The following ERI2 variants were observed in gnomAD, a reference collection of about 807,000 sequenced individuals.
ERI2 encodes ERI1 exoribonuclease family member 2, also known as ERI1 exoribonuclease 2.
In ERI2, 35 loss-of-function variants were observed where a neutral mutation model predicts 46.8. The ratio of observed to expected loss-of-function variants is 0.75; its 90% confidence interval spans 0.57 to 0.99. The LOEUF (loss-of-function observed/expected upper bound fraction) is 0.99, where lower values mean the gene tolerates loss of function less well. Among genes scored for constraint, ERI2 ranks in the 50% least tolerant of loss-of-function variants. ERI2 has a pLI of 0.00. For missense variants in ERI2, 695 were observed against 796.2 expected (o/e 0.87, Z 1.53); for synonymous variants, 224 against 271.0 (o/e 0.83, Z 1.70).
intron 10 of ERI2, chr16:20,784,676 A>G (rs763855310): frequency 1.8e-4 from 30 of 170,348 alleles, no homozygotes; most frequent in Non-Finnish European, 2.6e-4. Context: ...TAAGAACAGA[A>G]TGACCTTCTT....
Position 20,797,309 on chromosome 16 carries a change from T to C in ERI2, c.*415A>G. ...TTAGTTGACTAATTCTTCTGATATG[T>C]TGATATACAAATCAGAACCAATGTT... On this transcript the variant is annotated 3_prime_UTR_variant, in exon 9 of 9. Coordinates refer to ENST00000357967, the MANE Select transcript of ERI2 (RefSeq NM_001142725.2). The C allele has an allele frequency of 9.7e-7, 1 of 1,027,024 alleles. No individual in the cohort carries two copies. The allele number at this position is 1,027,024 out of a possible 1,614,324, so 63.6% of individuals were successfully genotyped here.
chr16:20,806,302 A>G (rs1250861972), intron 1 of ERI2, 106 bp downstream of exon 1: 3 of 1,496,156 alleles, frequency 2.0e-6, no homozygotes, highest in Non-Finnish European at 1.8e-6. Flanking sequence ...GGCTGCGGGG[A>G]ATAGAGGCCC....
In ERI2 at chr16:20,784,930, T is replaced by C; in HGVS notation, c.895-4196A>G. 1.3e-5 allele frequency: 21 copies of C among 1,565,962 alleles called. 1 individual carries two copies. In the South Asian group the frequency reaches 2.4e-4, roughly 18 times the overall value. On this transcript the variant is annotated intron_variant, in intron 10 of 10. Coordinates refer to the ERI2 transcript ENST00000300005. ...AGTTCATAAGAAATAATCCTTAATCTTCACTTCTCTCCATTTTTCCTCCTA... is the reference window on the plus strand; with the variant it reads ...AGTTCATAAGAAATAATCCTTAATCCTCACTTCTCTCCATTTTTCCTCCTA...
Position 20,796,463 on chromosome 16 carries a change from A to G in ERI2, c.*1261T>C. Reference sequence around the variant, plus strand: ...GATTCAGGAGCATGTTAAAAAAACTACAGCACCTTACAAATATCCCAGAAA... The same window carrying G: ...GATTCAGGAGCATGTTAAAAAAACTGCAGCACCTTACAAATATCCCAGAAA... On this transcript the variant is annotated 3_prime_UTR_variant, in exon 9 of 9. Transcript: ENST00000357967. The G allele has an allele frequency of 6.2e-7, 1 of 1,613,570 alleles. No homozygotes were observed. Among genetic ancestry groups the G allele is most frequent in the Non-Finnish European group, 8.5e-7 (1 of 1,179,894 alleles).
downstream of ERI2, chr16:20,792,716 A>G: frequency 1.0e-6 from 1 of 985,358 alleles, no homozygotes. Context: ...TGGTGTAGTG[A>G]AGGAGAATGG....
At position 20,796,854 on chromosome 16, in the gene ERI2, C is replaced by T. The variant is rs2080732643; in HGVS notation, c.*870G>A. The T allele has an allele frequency of 2.5e-6, 4 of 1,605,636 alleles. No individual in the cohort carries two copies. The highest frequency in any genetic ancestry group is 1.7e-5 in the Admixed American group (1 of 57,926). On this transcript the variant is annotated 3_prime_UTR_variant, in exon 9 of 9. Coordinates refer to ENST00000357967, the MANE Select transcript of ERI2 (RefSeq NM_001142725.2). ...GGCTTTATGTAAAGATAAAAATTTC[C>T]AGGCTAATTTTCTTCCCCTTGATGC...
At chr16:20,785,035 C>T in intron 10 of ERI2, 1 of 1,613,650 alleles carries the variant, frequency 6.2e-7, no homozygotes, top group Non-Finnish European at 8.5e-7. Flanking sequence ...AACCAATTAC[C>T]CCTGACGTGA....
At chr16:20,787,427 C>T (rs1159285509) in intron 10 of ERI2, among the ~76,000 whole-genome samples, 2 of 152,172 alleles carry the variant, frequency 1.3e-5, no homozygotes, top group African/African-American at 4.8e-5. Context: ...TAACAGAGTA[C>T]AGCTCTTAGA....
chr16:20,784,997 AG>A, intron 10 of ERI2: 1 of 1,612,034 alleles, frequency 6.2e-7, no homozygotes, highest in Non-Finnish European at 8.5e-7. Flanking sequence ...TAAGTTTAAA[AG>A]CTTAAAGCAC....
Position 20,802,838 on chromosome 16 carries a change from T to C in ERI2, c.261A>G (p.Pro87=), listed in dbSNP as rs750219522. 1 of 1,611,294 alleles carries C rather than the reference T, an allele frequency of 6.2e-7. No individual in the cohort carries two copies. The highest frequency in any genetic ancestry group is 8.5e-7 in the Non-Finnish European group (1 of 1,178,024). The change falls in exon 4 of 9, where the codon CCA becomes CCG. Residue 87 remains proline, a synonymous_variant. Transcript: ENST00000357967. ...ATTCCATGCAAAATTCTGAAAGAAT[T>C]GGATGTTCCTGAGGTTGAACATAAG... ...FQAYVQPQEH[P]ILSEFCMELT...
intron 10 of ERI2, among the ~76,000 whole-genome samples, chr16:20,782,995 C>G (rs1272394737): frequency 6.6e-6 from 1 of 152,098 alleles, no homozygotes; most frequent in East Asian, 1.9e-4. Context: ...TTTGGAGGCT[C>G]CATTATGTAG....
chr16:20,789,565 A>G (rs766413159), intron 9 of ERI2: 23 of 1,592,576 alleles, frequency 1.4e-5, no homozygotes, highest in Non-Finnish European at 1.9e-5. Context: ...CAGCTAAACA[A>G]AGTTTGAAAA....
downstream of ERI2, chr16:20,792,411 A>G (rs540861174): frequency 6.3e-7 from 1 of 1,586,360 alleles, no homozygotes; most frequent in South Asian, 1.1e-5. Flanking sequence ...AGCTCAGTGA[A>G]ACAGAATTAA....
intron 10 of ERI2, chr16:20,780,785 G>C: frequency 6.2e-7 from 1 of 1,614,194 alleles, no homozygotes. Flanking sequence ...TTTACCAGTG[G>C]AACAAGTGGA....
chr16:20,793,964 C>A (rs1364331651), downstream of ERI2, among the ~76,000 whole-genome samples: 1 of 152,134 alleles, frequency 6.6e-6, no homozygotes, highest in African/African-American at 2.4e-5. Context: ...GGGTTGTGGT[C>A]CCCTCACAGC....
At chr16:20,788,702 T>C (rs952710894) in intron 10 of ERI2, among the ~76,000 whole-genome samples, 4 of 152,200 alleles carry the variant, frequency 2.6e-5, no homozygotes, top group African/African-American at 9.6e-5. Flanking sequence ...TTTAAGACCC[T>C]ATGAACAATG....
At chr16:20,783,171 T>C (rs1390250602) in intron 10 of ERI2, 1 of 152,118 alleles carries the variant, frequency 6.6e-6, no homozygotes, top group Admixed American at 6.5e-5. Context: ...GACAATTCTA[T>C]TACCCAGGAA....
chr16:20,794,473 T>C (rs1596543248), downstream of ERI2, among the ~76,000 whole-genome samples: 1 of 152,206 alleles, frequency 6.6e-6, no homozygotes, highest in South Asian at 2.1e-4. Context: ...TGACTGAGAG[T>C]ATTTAATCTT....
At chr16:20,792,298 C>T (rs1009275621), downstream of ERI2, 3 of 1,613,950 alleles carry the variant, frequency 1.9e-6, no homozygotes, top group Non-Finnish European at 1.7e-6. Context: ...GTTGCAGAGT[C>T]AGCTGTTGTC....
Sources: allele counts gnomAD v4.1 joint callset (sites outside exome capture counted in the v4.1 genomes callset), GRCh38; gene constraint gnomAD v4.1.1; transcripts MANE v1.5; gene names NCBI Gene and HGNC (gene_info 2026-07-23, HGNC 2026-07-21).